The following ADAMTSL5 variants were observed in gnomAD, a reference collection of about 807,000 sequenced individuals.
The protein encoded by ADAMTSL5 is ADAMTS-like protein 5.
A neutral mutation model predicts 51.7 loss-of-function variants in ADAMTSL5; 53 were observed. The ratio of observed to expected loss-of-function variants is 1.03; its 90% CI spans 0.82 to 1.29. The LOEUF is 1.29. Ranked by LOEUF, ADAMTSL5 falls within the 50% of genes most tolerant of loss-of-function variation. The probability of loss-of-function intolerance (pLI) is 0.00; values close to 1 mark genes in which losing one functional copy is unlikely to be tolerated. For synonymous variants in ADAMTSL5, 285 were observed against 278.7 expected, an observed-to-expected ratio of 1.02 and a Z score of -0.23; for missense variants, 770 against 676.2, an observed-to-expected ratio of 1.14 and a Z score of -1.54.
At chr19:1,507,489 A>G in intron 8 of ADAMTSL5, 68 bp downstream of exon 8, 2 of 1,611,642 alleles carry the variant, frequency 1.2e-6, no homozygotes, top group Non-Finnish European at 1.7e-6. Context: ...CAGTCTCCCC[A>G]TCTGTAAACA....
At chr19:1,507,833 T>G (rs545322622) in intron 7 of ADAMTSL5, among the ~76,000 whole-genome samples, 165 bp downstream of exon 7, 4 of 152,266 alleles carry the variant, frequency 2.6e-5, no homozygotes, top group African/African-American at 7.2e-5. Flanking sequence ...AAACCCCATC[T>G]GTCCTGGGGA....
In ADAMTSL5 at chr19:1,506,766, G is replaced by C; in HGVS notation, c.1015C>G (p.Pro339Ala). Reference protein sequence around the residue: ...PQPPAAPAVTPAQTPTLAPDP... With the variant: ...PQPPAAPAVTAAQTPTLAPDP... ...GGGGCCAGCGTTGGGGTCTGTGCAGGGGTGACAGCAGGGGCTGCGGGGGGC... is the reference window on the plus strand; with the variant it reads ...GGGGCCAGCGTTGGGGTCTGTGCAGCGGTGACAGCAGGGGCTGCGGGGGGC... The change falls in exon 10 of 12, where the codon CCT (proline) becomes GCT (alanine). Residue 339 changes from proline to alanine, a missense_variant. By Grantham distance (27) the Pro-to-Ala change is conservative. Transcript: ENST00000330475. The surrounding 1 kb of genome is among the most constrained non-coding windows in gnomAD (Gnocchi z 5.6). 6.4e-7 allele frequency: 1 copy of C among 1,551,804 alleles called. No individual in the cohort carries two copies. The highest frequency in any genetic ancestry group is 2.4e-5 in the East Asian group (1 of 42,110).
In ADAMTSL5 at chr19:1,505,941, G is replaced by A; in HGVS notation, c.*74C>T. On this transcript the variant is annotated 3_prime_UTR_variant, in exon 12 of 12. Transcript: ENST00000330475. ...GAGCTGCCTGGAAGCCAGGGTGAGA[G>A]GGGAAATACGTTGACGTTGAGGCTG... The A allele has an allele frequency of 7.0e-7, 1 of 1,433,176 alleles. No homozygotes were observed. Among genetic ancestry groups the A allele is most frequent in the Non-Finnish European group, 9.1e-7 (1 of 1,095,348 alleles). 88.8% of individuals were successfully genotyped at this position (1,433,176 alleles called of 1,614,324 possible).
chr19:1,512,457 G>T (rs1425184554), intron 1 of ADAMTSL5, among the ~76,000 whole-genome samples: 1 of 152,146 alleles, frequency 6.6e-6, no homozygotes. Context: ...AAGACAGGCG[G>T]ATCACCTGAG....
In ADAMTSL5 at chr19:1,505,629, T is replaced by G; in HGVS notation, c.*386A>C. On this transcript the variant is annotated 3_prime_UTR_variant, in exon 12 of 12. Transcript: ENST00000330475. The stretch of plus-strand genomic sequence containing the variant: ...GCACAGTGTCTGGGAAGTAAACAGA[T>G]GATCTTCTGGGTACCCAGGGCAGCA... 5.3e-6 allele frequency: 1 copy of G among 190,390 alleles called. No individual in the cohort carries two copies. The highest frequency in any genetic ancestry group is 1.1e-5 in the Non-Finnish European group (1 of 91,860). 11.8% of individuals were successfully genotyped at this position (190,390 alleles called of 1,614,324 possible). A position where few individuals can be genotyped will look rare whatever the true frequency, so the allele number is the denominator to read the frequency against.
Position 1,510,424 on chromosome 19 carries a change from G to A in ADAMTSL5, c.196C>T (p.Pro66Ser), listed in dbSNP as rs771371395. The A allele has an allele frequency of 1.2e-6, 2 of 1,610,750 alleles. No individual in the cohort carries two copies. The highest frequency in any genetic ancestry group is 1.7e-6 in the Non-Finnish European group (2 of 1,179,396). Residue 66 changes from proline to serine, a missense_variant, in exon 4 of 12, where the codon CCT becomes TCT. Physicochemically the swap from Pro to Ser is moderately conservative, Grantham distance 74. Coordinates refer to ENST00000330475, the MANE Select transcript of ADAMTSL5 (RefSeq NM_213604.3). ...SVRSRRCLRL[P>S]GEEPCWGDSH... is the part of the protein sequence containing the mutation. ...TCTCCCCAGCACGGTTCTTCCCCAGGAAGCCTGAAGGGAGACAGAGTGTGG... is the reference window on the plus strand; with the variant it reads ...TCTCCCCAGCACGGTTCTTCCCCAGAAAGCCTGAAGGGAGACAGAGTGTGG...
Position 1,506,525 on chromosome 19 carries a change from G to A in ADAMTSL5, c.1114+65C>T. ...GGGGTCAAGGGTAAAGTCAGATTAGGGTCAGAGGTCAGGAGGAGGCCAGGT... is the reference window on the plus strand; with the variant it reads ...GGGGTCAAGGGTAAAGTCAGATTAGAGTCAGAGGTCAGGAGGAGGCCAGGT... On this transcript the variant is annotated intron_variant, in intron 11 of 11. Coordinates refer to ENST00000330475, the MANE Select transcript of ADAMTSL5 (RefSeq NM_213604.3). The surrounding 1 kb of genome is among the most constrained non-coding windows in gnomAD (Gnocchi z 5.6). 6.4e-7 allele frequency: 1 copy of A among 1,554,642 alleles called. No homozygotes were observed. Among genetic ancestry groups the A allele is most frequent in the South Asian group, 1.2e-5 (1 of 86,256 alleles).
chr19:1,505,815 C>T lies in ADAMTSL5; in HGVS notation c.*200G>A, dbSNP rs1310963384. 2 of 615,010 alleles carry T rather than the reference C, an allele frequency of 3.3e-6. No homozygotes were observed. Among genetic ancestry groups the T allele is most frequent in the African/African-American group, 1.9e-5 (1 of 51,760 alleles). The allele number at this position is 615,010 out of a possible 1,614,324, so 38.1% of individuals were successfully genotyped here. A position where few individuals can be genotyped will look rare whatever the true frequency, so the allele number is the denominator to read the frequency against. On this transcript the variant is annotated 3_prime_UTR_variant, in exon 12 of 12. Coordinates refer to ENST00000330475, the MANE Select transcript of ADAMTSL5 (RefSeq NM_213604.3). ...CAGAGTCTCCTTAGTGCCTCCTCACCAGTGCCTGCCGGCTTGTGACAGTGG... is the reference window on the plus strand; with the variant it reads ...CAGAGTCTCCTTAGTGCCTCCTCACTAGTGCCTGCCGGCTTGTGACAGTGG...
chr19:1,506,620 G>T lies in ADAMTSL5; in HGVS notation c.1084C>A (p.Arg362=). 6.2e-7 allele frequency: 1 copy of T among 1,612,164 alleles called. No individual in the cohort carries two copies. Among genetic ancestry groups the T allele is most frequent in the Non-Finnish European group, 8.5e-7 (1 of 1,179,504 alleles). Residue 362 remains arginine, a synonymous_variant, in exon 11 of 12, where the codon CGA becomes AGA. Coordinates refer to ENST00000330475, the MANE Select transcript of ADAMTSL5 (RefSeq NM_213604.3). This position sits in a 1 kb window ranked among gnomAD's most constrained non-coding sequence, Gnocchi z 5.6. ...PCPDTRGRAH[R]LLHYCGSDFV... ...TCACTGCCGCAATAGTGGAGTAGTC[G>T]GTGGGCGCGGCCGCGGGTGTCAGGG...
intron 7 of ADAMTSL5, 98 bp downstream of exon 7, chr19:1,507,900 G>A (rs971743852): frequency 1.1e-5 from 15 of 1,304,690 alleles, no homozygotes; most frequent in Admixed American, 4.2e-5. Flanking sequence ...GGGCTGGGCC[G>A]CACACTGGCC....
In ADAMTSL5 at chr19:1,505,867, A is replaced by G; in HGVS notation, c.*148T>C. 1 of 1,045,530 alleles carries G rather than the reference A, an allele frequency of 9.6e-7. No homozygotes were observed. Among genetic ancestry groups the G allele is most frequent in the Non-Finnish European group, 1.3e-6 (1 of 753,710 alleles). 64.8% of individuals were successfully genotyped at this position (1,045,530 alleles called of 1,614,324 possible). On this transcript the variant is annotated 3_prime_UTR_variant, in exon 12 of 12. Transcript: ENST00000330475. Reference sequence around the variant, plus strand: ...TTTGACTGCATGCAGAGGTGTCTTAAGCGTGTGTGGGAGGGAGTCACATAG... The same window carrying G: ...TTTGACTGCATGCAGAGGTGTCTTAGGCGTGTGTGGGAGGGAGTCACATAG...
In ADAMTSL5 at chr19:1,505,845, G is replaced by C; in HGVS notation, c.*170C>G. The stretch of plus-strand genomic sequence containing the variant: ...CCTGCCGGCTTGTGACAGTGGCTTT[G>C]ACTGCATGCAGAGGTGTCTTAAGCG... On this transcript the variant is annotated 3_prime_UTR_variant, in exon 12 of 12. Coordinates refer to ENST00000330475, the MANE Select transcript of ADAMTSL5 (RefSeq NM_213604.3). 1.2e-6 allele frequency: 1 copy of C among 816,512 alleles called. No individual in the cohort carries two copies. Among genetic ancestry groups the C allele is most frequent in the Non-Finnish European group, 1.8e-6 (1 of 562,732 alleles). The allele number at this position is 816,512 out of a possible 1,614,324, so 50.6% of individuals were successfully genotyped here.
intron 7 of ADAMTSL5, 35 bp downstream of exon 7, chr19:1,507,963 G>A (rs1435188044): frequency 2.6e-6 from 4 of 1,552,906 alleles, no homozygotes; most frequent in South Asian, 1.2e-5. Context: ...GGCCCACTCT[G>A]ACGTGTGTGC....
Position 1,506,719 on chromosome 19 carries a change from CCTGG to C in ADAMTSL5, c.1042+16_1042+19del, listed in dbSNP as rs1912947103. On this transcript the variant is annotated intron_variant, in intron 10 of 11. Transcript: ENST00000330475. The surrounding 1 kb of genome is among the most constrained non-coding windows in gnomAD (Gnocchi z 5.6). ...GCCTCAGTCCCCACTCATCCCCCAC[CCTGG>C]CTGTCCCCACCTCACCTGGGGCCAG... The C allele has an allele frequency of 1.9e-6, 3 of 1,558,194 alleles. No homozygotes were observed. The highest frequency in any genetic ancestry group is 2.6e-6 in the Non-Finnish European group (3 of 1,150,868).
At position 1,506,137 on chromosome 19, in the gene ADAMTSL5, G is replaced by A. The variant is rs997893014; in HGVS notation, c.1294C>T (p.Arg432Cys). 8.7e-6 allele frequency: 14 copies of A among 1,608,148 alleles called. 1 individual carries two copies. Among genetic ancestry groups the A allele is most frequent in the Middle Eastern group, 1.7e-4 (1 of 6,046 alleles). ...PHRDYLMAVQ[R>C]LVSPDGTQDQ... The stretch of plus-strand genomic sequence containing the variant: ...TGTGTGCCGTCGGGGCTGACAAGAC[G>A]CTGGACAGCCATCAGGTAGTCCCGG... The change falls in exon 12 of 12, where the codon CGT becomes TGT. Residue 432 changes from arginine to cysteine, a missense_variant. Arg to Cys is a radical substitution (Grantham distance 180, BLOSUM62 -3). Coordinates refer to ENST00000330475, the MANE Select transcript of ADAMTSL5 (RefSeq NM_213604.3). This position sits in a 1 kb window ranked among gnomAD's most constrained non-coding sequence, Gnocchi z 5.6.
Position 1,507,587 on chromosome 19 carries a change from G to T in ADAMTSL5, c.658C>A (p.Arg220Ser). The T allele has an allele frequency of 3.7e-6, 6 of 1,613,494 alleles. No homozygotes were observed. Among genetic ancestry groups the T allele is most frequent in the Non-Finnish European group, 5.1e-6 (6 of 1,180,004 alleles). Residue 220 changes from arginine to serine, a missense_variant, in exon 8 of 12, where the codon CGC becomes AGC. Transcript: ENST00000330475. ...TGGTTGCGGCTCCTGTGTTCCACGC[G>T]GATGTGTCTGGCGCCCTCGGGGATC... The part of the protein sequence containing the change: ...TLIPEGARHI[R>S]VEHRSRNHLA...
intron 2 of ADAMTSL5, 40 bp downstream of exon 2, chr19:1,510,805 A>C: frequency 6.6e-6 from 10 of 1,514,160 alleles, no homozygotes; most frequent in Admixed American, 2.1e-5. Context: ...CTGGGTCCCC[A>C]TTCCCACTCG....
rs780091584 is a variant in ADAMTSL5, at chr19:1,505,985, G to C, written c.*30C>G. On this transcript the variant is annotated 3_prime_UTR_variant, in exon 12 of 12. Transcript: ENST00000330475. ...GAGGCTGGTCAGATGTATCTTTCTTGCTGTGTGTGGCCGGGGCTCCTGCAG... is the reference window on the plus strand; with the variant it reads ...GAGGCTGGTCAGATGTATCTTTCTTCCTGTGTGTGGCCGGGGCTCCTGCAG... 2.0e-6 allele frequency: 3 copies of C among 1,507,458 alleles called. No homozygotes were observed. Among genetic ancestry groups the C allele is most frequent in the Non-Finnish European group, 2.6e-6 (3 of 1,136,052 alleles). The allele number at this position is 1,507,458 out of a possible 1,614,324, so 93.4% of individuals were successfully genotyped here.
chr19:1,510,323 G>A (rs1348142170), intron 4 of ADAMTSL5, 45 bp downstream of exon 4: 1 of 1,613,280 alleles, frequency 6.2e-7, no homozygotes, highest in Non-Finnish European at 8.5e-7. Flanking sequence ...TGGGCTTCAG[G>A]CAGTCTGGGG....
Sources: gnomAD v4.1 joint callset for allele counts (sites outside exome capture counted in the v4.1 genomes callset) on GRCh38, gnomAD v4.1.1 for gene constraint, Gnocchi (gnomAD v3.1) non-coding constraint, MANE v1.5 for transcripts, NCBI Gene and HGNC (gene_info 2026-07-23, HGNC 2026-07-21) for gene names.